The following DOCK8 variants were observed in gnomAD, a reference collection of about 807,000 sequenced individuals.
The protein encoded by DOCK8 is dedicator of cytokinesis protein 8.
A neutral mutation model predicts 245.6 loss-of-function variants in DOCK8; 141 were observed. That is an observed-to-expected ratio of 0.57 (90% CI 0.50 to 0.66). The LOEUF is 0.66. Ranked by LOEUF, DOCK8 falls within the 30% of genes least tolerant of loss-of-function variation. DOCK8 has a pLI of 0.00. For synonymous variants in DOCK8, 1,168 were observed against 970.2 expected (o/e 1.20, Z -3.79); for missense variants, 2,965 against 2,603.4 (o/e 1.14, Z -3.02).
intron 14 of DOCK8, among the ~76,000 whole-genome samples, chr9:344,823 G>A (rs1285657264): frequency 1.3e-5 from 2 of 152,172 alleles, no homozygotes; most frequent in South Asian, 2.1e-4. Flanking sequence ...CAAGGCAGGT[G>A]AATCACCTGA....
intron 18 of DOCK8, among the ~76,000 whole-genome samples, chr9:374,666 A>AT (rs1425755459): frequency 2.7e-5 from 4 of 147,316 alleles, no homozygotes; most frequent in Non-Finnish European, 4.5e-5. Context: ...GTGTCTTGCT[A>AT]TGCTGCTCAG....
At chr9:370,085 G>C in intron 15 of DOCK8, 145 bp from the exon 16 acceptor site, 1 of 724,406 alleles carries the variant, frequency 1.4e-6, no homozygotes, top group South Asian at 1.5e-5. Context: ...TTACAGGTGT[G>C]AGCCACTGCT....
intron 14 of DOCK8, among the ~76,000 whole-genome samples, chr9:347,098 G>A (rs1348539488): frequency 6.6e-6 from 1 of 151,982 alleles, no homozygotes; most frequent in South Asian, 2.1e-4. Flanking sequence ...GTCTGGGATG[G>A]GGCACTGGTG....
rs995198373 is a variant in DOCK8 at position 428,509 on chromosome 9, T to A, written c.4473+13T>A. The A allele has an allele frequency of 1.2e-6, 2 of 1,614,008 alleles. No homozygotes were observed. Among genetic ancestry groups the A allele is most frequent in the Non-Finnish European group, 1.7e-6 (2 of 1,179,992 alleles). On this transcript the variant is annotated intron_variant, in intron 35 of 47. Transcript: ENST00000432829. The stretch of plus-strand genomic sequence containing the variant: ...TCTCATCGCCAAGGTAAACTTGGGA[T>A]GCTTGTTTTCTTCCTCTTAATTAAG...
In DOCK8 at chr9:429,759, G is replaced by T. The variant is rs772115943; in HGVS notation, c.4531G>T (p.Val1511Phe). The change falls in exon 36 of 48, where the codon GTC becomes TTC. Residue 1511 changes from valine to phenylalanine, a missense_variant. Val to Phe is a conservative substitution (Grantham distance 50). Transcript: ENST00000432829. ...VEQCFDLCHQ[V>F]LHHCSSSMDV... is the part of the protein sequence containing the mutation. ...ACAGTGTTTCGACCTATGTCACCAAGTCCTGCACCACTGCAGCAGCAGCAT... is the reference window on the plus strand; with the variant it reads ...ACAGTGTTTCGACCTATGTCACCAATTCCTGCACCACTGCAGCAGCAGCAT... The T allele has an allele frequency of 6.2e-7, 1 of 1,614,168 alleles. No homozygotes were observed. Among genetic ancestry groups the T allele is most frequent in the Admixed American group, 1.7e-5 (1 of 60,022 alleles).
At chr9:426,838 G>C in intron 33 of DOCK8, 47 bp from the exon 34 acceptor site, 3 of 1,512,802 alleles carry the variant, frequency 2.0e-6, no homozygotes, top group Non-Finnish European at 2.8e-6. Context: ...ATGGGAACCT[G>C]GCCAGGTTTG....
intron 1 of DOCK8, among the ~76,000 whole-genome samples, chr9:218,516 C>T (rs1313255689): frequency 1.3e-5 from 2 of 152,122 alleles, no homozygotes; most frequent in South Asian, 2.1e-4. Flanking sequence ...ATAACATTTG[C>T]GTTTGGGATT....
chr9:214,648 G>C (rs1357873490), upstream of DOCK8: 5 of 1,609,170 alleles, frequency 3.1e-6, no homozygotes, highest in African/African-American at 2.7e-5. Context: ...GTCCGCCCGC[G>C]CTCCCTTCGG....
intron 23 of DOCK8, among the ~76,000 whole-genome samples, chr9:389,405 A>G (rs981755086): frequency 6.6e-6 from 1 of 152,228 alleles, no homozygotes; most frequent in African/African-American, 2.4e-5. Context: ...GCCCTGGGAC[A>G]TAGACATTTA....
rs12349642 is a variant in DOCK8 at position 247,638 on chromosome 9, C to A, written c.54-23989C>A. On this transcript the variant is annotated intron_variant, in intron 1 of 47. Transcript: ENST00000432829. ...AAGCTCCGCCTCCCGGGTTCACGCC[C>A]TTCTCCGGCCTCAGCCTCCCGAGTA... is the stretch of plus-strand genomic sequence containing the variant. 6.1e-3 allele frequency among the ~76,000 whole-genome samples: 934 copies of A among 152,136 alleles called. 7 individuals are homozygous for A. The highest frequency in any genetic ancestry group is 0.02 in the African/African-American group (832 of 41,514).
At position 422,100 on chromosome 9, in the gene DOCK8, G is replaced by C; in HGVS notation, c.4206G>C (p.Gln1402His). 2 of 1,614,122 alleles carry C rather than the reference G, an allele frequency of 1.2e-6. No homozygotes were observed. Among genetic ancestry groups the C allele is most frequent in the Non-Finnish European group, 1.7e-6 (2 of 1,180,022 alleles). The change falls in exon 33 of 48, where the codon CAG becomes CAC. Residue 1402 changes from glutamine to histidine, a missense_variant. Gln to His is a conservative substitution (Grantham distance 24). This residue lies in a region of DOCK8 where 2,825 missense variants were observed against 2,453.5 expected (regional missense o/e 1.15). Transcript: ENST00000432829. ...AAAATTTGAGATGGAAGAAAGAGCA[G>C]ACACATTGGCGGCAAGCTAATGAGA... Reference protein sequence around the residue: ...LNENLRWKKEQTHWRQANEKL... With the variant: ...LNENLRWKKEHTHWRQANEKL...
intron 6 of DOCK8, among the ~76,000 whole-genome samples, chr9:316,545 G>T (rs1446893217): frequency 6.6e-6 from 1 of 152,160 alleles, no homozygotes; most frequent in African/African-American, 2.4e-5. Context: ...ATCTGTTTAA[G>T]AAAACAGTGA....
At position 422,035 on chromosome 9, in the gene DOCK8, T is replaced by A. The variant is rs771196612; in HGVS notation, c.4154-13T>A. 1 of 1,611,048 alleles carries A rather than the reference T, an allele frequency of 6.2e-7. No homozygotes were observed. Among genetic ancestry groups the A allele is most frequent in the East Asian group, 2.2e-5 (1 of 44,858 alleles). ...GCTAATCAAATTCCTATCATGCATT[T>A]CTTAACTCCTAGGGAACGACCGATT... On this transcript the variant is annotated splice_polypyrimidine_tract_variant and intron_variant, in intron 32 of 47. Coordinates refer to ENST00000432829, the MANE Select transcript of DOCK8 (RefSeq NM_203447.4).
Position 432,262 on chromosome 9 carries a change from A to G in DOCK8, c.4723A>G (p.Arg1575Gly). The change falls in exon 37 of 48, where the codon AGG (arginine) becomes GGG (glycine). Residue 1575 changes from arginine (R) to glycine (G), a missense_variant. By Grantham distance (125) the Arg-to-Gly change is moderately radical. Coordinates refer to ENST00000432829, the MANE Select transcript of DOCK8 (RefSeq NM_203447.4). ...TGAAGAGCACCTGAGAAGATCCTTG[A>G]GGACAATTTTGGCCTATTCAGAAGA... is the stretch of plus-strand genomic sequence containing the variant. ...FNEEHLRRSL[R>G]TILAYSEEDT... is the part of the protein sequence containing the mutation. The G allele has an allele frequency of 6.2e-7, 1 of 1,613,972 alleles. No homozygotes were observed. The highest frequency in any genetic ancestry group is 8.5e-7 in the Non-Finnish European group (1 of 1,179,984).
intron 42 of DOCK8, 131 bp from the exon 43 acceptor site, chr9:443,296 A>C: frequency 1.1e-6 from 1 of 881,996 alleles, no homozygotes; most frequent in Non-Finnish European, 1.9e-6. Context: ...TCATTAGCTC[A>C]GAGGAACTCT....
At chr9:297,431 G>C (rs1299338109) in intron 4 of DOCK8, among the ~76,000 whole-genome samples, 1 of 152,200 alleles carries the variant, frequency 6.6e-6, no homozygotes, top group Non-Finnish European at 1.5e-5. Flanking sequence ...TGTTAGAATA[G>C]TGTTTTAAGA....
At chr9:438,503 C>T (rs2056978209) in intron 39 of DOCK8, among the ~76,000 whole-genome samples, 1 of 152,152 alleles carries the variant, frequency 6.6e-6, no homozygotes, top group Non-Finnish European at 1.5e-5. Flanking sequence ...CTGCCAGGGC[C>T]AGTGCTAGGG....
At chr9:342,297 C>CTTT (rs34071975) in intron 14 of DOCK8, among the ~76,000 whole-genome samples, 3 of 124,414 alleles carry the variant, frequency 2.4e-5, no homozygotes, top group South Asian at 2.7e-4. Context: ...TTTCTTTTTT[C>CTTT]TTTTTTTTTT....
intron 28 of DOCK8, among the ~76,000 whole-genome samples, chr9:407,445 C>G (rs960307859): frequency 6.6e-6 from 1 of 152,220 alleles, no homozygotes; most frequent in Non-Finnish European, 1.5e-5. Flanking sequence ...TCACTTGGTT[C>G]AAAGCTGATG....
Sources: allele counts gnomAD v4.1 joint callset (sites outside exome capture counted in the v4.1 genomes callset), GRCh38; gene constraint gnomAD v4.1.1; regional missense constraint gnomAD v4.1.1; transcripts MANE v1.5; gene names NCBI Gene and HGNC (gene_info 2026-07-23, HGNC 2026-07-21).